The following TANC2 variants were observed in gnomAD, a reference collection of about 807,000 sequenced individuals.
TANC2 encodes tetratricopeptide repeat, ankyrin repeat and coiled-coil containing 2, also known as protein TANC2.
Under a neutral mutation model 210.5 loss-of-function variants are expected in TANC2, and 26 were observed. The ratio of observed to expected loss-of-function variants is 0.12; its 90% CI spans 0.09 to 0.17. The LOEUF is 0.17. TANC2 is among the 10% of genes least tolerant of loss of function. The pLI, the probability that TANC2 is intolerant of heterozygous loss-of-function variation, is 1.00. For missense variants in TANC2, 2,129 were observed against 2,608.9 expected (o/e 0.82, Z 4.01); for synonymous variants, 931 against 967.1 (o/e 0.96, Z 0.69).
intron 4 of TANC2, chr17:63,148,960 A>G (rs138329835): frequency 6.6e-6 from 1 of 152,290 alleles, no homozygotes; most frequent in African/African-American, 2.4e-5. Context: ...GGATGAGAAC[A>G]CCATTATCAT....
chr17:63,286,925 T>C (rs2044239749), intron 9 of TANC2, among the ~76,000 whole-genome samples: 2 of 152,142 alleles, frequency 1.3e-5, no homozygotes, highest in Non-Finnish European at 2.9e-5. Context: ...TGTGTTTGTT[T>C]GTTTGTTAGT....
chr17:63,182,581 GGAACAGTCATTTTTCTCCACC>G, intron 5 of TANC2: 1 of 217,752 alleles, frequency 4.6e-6, no homozygotes, highest in Non-Finnish European at 9.6e-6. Flanking sequence ...CAGAAGCTGA[GGAACAGTCATTTTTCTCCACC>G]TTGATTGGAT....
intron 2 of TANC2, among the ~76,000 whole-genome samples, chr17:63,030,580 A>G (rs2144125159): frequency 6.6e-6 from 1 of 151,542 alleles, no homozygotes. Context: ...CAGACACCCC[A>G]TGCCACCCCC....
intron 7 of TANC2, among the ~76,000 whole-genome samples, chr17:63,206,356 A>G (rs747546356): frequency 4.5e-4 from 69 of 152,204 alleles, no homozygotes; most frequent in Non-Finnish European, 8.8e-4. Flanking sequence ...CTAAGTATAT[A>G]CCTGAAAGTA....
At chr17:62,999,067 A>G (rs1588366) in intron 1 of TANC2, among the ~76,000 whole-genome samples, 34,569 of 152,174 alleles carry the variant, frequency 0.23, 4,061 homozygotes, top group Middle Eastern at 0.27. Flanking sequence ...GTAATCCCCA[A>G]TGCTGGAAGT....
chr17:63,028,345 T>C (rs1382376146), intron 2 of TANC2, among the ~76,000 whole-genome samples: 3 of 152,138 alleles, frequency 2.0e-5, no homozygotes, highest in Non-Finnish European at 2.9e-5. Flanking sequence ...GAGAATTAAA[T>C]TGACATAAGA....
chr17:62,969,549 T>C (rs1385647814), intron 1 of TANC2, among the ~76,000 whole-genome samples: 2 of 152,256 alleles, frequency 1.3e-5, no homozygotes, highest in African/African-American at 2.4e-5. Flanking sequence ...CATTTCTCTT[T>C]AGGAATTTGT....
At chr17:63,186,008 T>G (rs1339028787) in intron 5 of TANC2, among the ~76,000 whole-genome samples, 1 of 152,188 alleles carries the variant, frequency 6.6e-6, no homozygotes, top group African/African-American at 2.4e-5. Flanking sequence ...GGTCATAAAG[T>G]TACACTAAAA....
At chr17:63,340,279 C>G (rs754165842) in exon 12 of TANC2, 1 of 1,613,928 alleles carries the variant, frequency 6.2e-7, no homozygotes, top group Non-Finnish European at 8.5e-7. Context: ...GTTCAAGACC[C>G]CATGGCCTCC....
intron 8 of TANC2, among the ~76,000 whole-genome samples, chr17:63,267,341 A>T (rs936943461): frequency 6.6e-6 from 1 of 152,134 alleles, no homozygotes; most frequent in African/African-American, 2.4e-5. Flanking sequence ...GCAAGATGGC[A>T]TTTTAAGCTT....
At chr17:63,060,497 T>A (rs1333733239) in intron 2 of TANC2, among the ~76,000 whole-genome samples, 1 of 152,068 alleles carries the variant, frequency 6.6e-6, no homozygotes, top group Non-Finnish European at 1.5e-5. Flanking sequence ...GGTGGGCGCC[T>A]GTAATCCCAG....
At chr17:63,383,838 C>G (rs1214414122) in intron 15 of TANC2, among the ~76,000 whole-genome samples, 2 of 152,116 alleles carry the variant, frequency 1.3e-5, no homozygotes, top group Non-Finnish European at 2.9e-5. Flanking sequence ...AGCGACTGAT[C>G]AGTAGTATTT....
chr17:63,422,832 G>A (rs1472551152), exon 28 of TANC2: 1 of 152,224 alleles, frequency 6.6e-6, no homozygotes, highest in Non-Finnish European at 1.5e-5. Context: ...CTCAGTGAAA[G>A]GCTATAGGAA....
intron 12 of TANC2, among the ~76,000 whole-genome samples, chr17:63,347,311 T>C (rs1342775798): frequency 6.6e-6 from 1 of 152,188 alleles, no homozygotes; most frequent in Non-Finnish European, 1.5e-5. Context: ...TCTGCAGTGA[T>C]AGAAATAAGA....
intron 14 of TANC2, among the ~76,000 whole-genome samples, chr17:63,376,968 C>T (rs2047445636): frequency 6.6e-6 from 1 of 152,134 alleles, no homozygotes; most frequent in African/African-American, 2.4e-5. Flanking sequence ...CAGGTGCCCA[C>T]CACCATGCCC....
At chr17:63,265,632 G>C (rs955523462) in intron 8 of TANC2, among the ~76,000 whole-genome samples, 1 of 152,112 alleles carries the variant, frequency 6.6e-6, no homozygotes, top group Non-Finnish European at 1.5e-5. Context: ...AAAATTAGGG[G>C]AATAGTTGTG....
At chr17:63,115,781 A>G (rs1365756989) in intron 4 of TANC2, among the ~76,000 whole-genome samples, 2 of 152,162 alleles carry the variant, frequency 1.3e-5, no homozygotes, top group South Asian at 2.1e-4. Flanking sequence ...CTATTCCCAC[A>G]GTAGCTTTAG....
At chr17:63,225,721 A>G (rs1406285579) in intron 7 of TANC2, among the ~76,000 whole-genome samples, 1 of 152,054 alleles carries the variant, frequency 6.6e-6, no homozygotes, top group African/African-American at 2.4e-5. Context: ...TCCATTCATT[A>G]TTTTTCATCT....
At chr17:63,168,249 G>A (rs1296567864) in intron 5 of TANC2, among the ~76,000 whole-genome samples, 1 of 152,202 alleles carries the variant, frequency 6.6e-6, no homozygotes, top group Admixed American at 6.5e-5. Context: ...AGGAGAGGTA[G>A]AGGGGATGAG....
Sources: allele counts gnomAD v4.1 joint callset (sites outside exome capture counted in the v4.1 genomes callset), GRCh38; gene constraint gnomAD v4.1.1; transcripts MANE v1.5; gene names NCBI Gene and HGNC (gene_info 2026-07-23, HGNC 2026-07-21).